Variants in RAPGEF2 observed in about 807,000 individuals in gnomAD.
The protein encoded by RAPGEF2 is PDZ domain containing guanine nucleotide exchange factor (GEF) 1.
In RAPGEF2, 54 loss-of-function variants were observed where a neutral mutation model predicts 186.7. The ratio of observed to expected loss-of-function variants is 0.29; its 90% CI spans 0.23 to 0.36. RAPGEF2 has a LOEUF of 0.36. Ranked by LOEUF, RAPGEF2 falls within the 10% of genes least tolerant of loss-of-function variation. The pLI is 1.00. For missense variants in RAPGEF2, 1,532 were observed against 2,045.0 expected (o/e 0.75, Z 4.84); for synonymous variants, 712 against 705.9 (o/e 1.01, Z -0.14).
At chr4:159,293,266 T>G (rs1479093768) in intron 7 of RAPGEF2, among the ~76,000 whole-genome samples, 1 of 152,230 alleles carries the variant, frequency 6.6e-6, no homozygotes, top group East Asian at 1.9e-4. Flanking sequence ...AGTCACTGTT[T>G]ATCACATCGG....
chr4:159,325,969 G>A (rs1175973985), intron 11 of RAPGEF2, among the ~76,000 whole-genome samples: 2 of 152,150 alleles, frequency 1.3e-5, no homozygotes, highest in Admixed American at 1.3e-4. Flanking sequence ...CTAGTGTGAA[G>A]TTAATTATGA....
intron 11 of RAPGEF2, chr4:159,327,359 A>C (rs1766062433): frequency 6.6e-6 from 1 of 152,234 alleles, no homozygotes; most frequent in African/African-American, 2.4e-5. Context: ...TTAAAACCTC[A>C]GTAAAGCAAT....
At chr4:159,264,351 G>A (rs991606926) in intron 7 of RAPGEF2, among the ~76,000 whole-genome samples, 5 of 152,074 alleles carry the variant, frequency 3.3e-5, no homozygotes, top group Non-Finnish European at 5.9e-5. Context: ...AAGGTTTCCC[G>A]GTTAGGTTAG....
intron 1 of RAPGEF2, among the ~76,000 whole-genome samples, chr4:159,130,086 G>C (rs975302733): frequency 6.6e-6 from 1 of 152,178 alleles, no homozygotes; most frequent in Admixed American, 6.5e-5. Context: ...TTTGTAAACT[G>C]TCATGGCGCT....
intron 1 of RAPGEF2, among the ~76,000 whole-genome samples, chr4:159,181,670 G>A (rs540165684): frequency 1.3e-5 from 2 of 150,148 alleles, no homozygotes; most frequent in Non-Finnish European, 3.0e-5. Flanking sequence ...TGAGTAGCTG[G>A]AACTACAGGC....
intron 25 of RAPGEF2, 78 bp from the exon 26 acceptor site, chr4:159,350,056 CAAA>C: frequency 1.0e-6 from 1 of 975,130 alleles, no homozygotes; most frequent in Non-Finnish European, 1.4e-6. Context: ...AATCTTAACA[CAAA>C]AAAGTTTTTT....
At chr4:159,211,452 C>T (rs951368862) in intron 4 of RAPGEF2, among the ~76,000 whole-genome samples, 3 of 152,230 alleles carry the variant, frequency 2.0e-5, no homozygotes, top group African/African-American at 7.2e-5. Flanking sequence ...TTATTTGAAT[C>T]GACTAAAGTA....
chr4:159,105,464 A>G (rs1334496665), intron 1 of RAPGEF2, among the ~76,000 whole-genome samples: 1 of 152,032 alleles, frequency 6.6e-6, no homozygotes, highest in Non-Finnish European at 1.5e-5. Context: ...ACCGTTTTTG[A>G]TTTTTCATTT....
At chr4:159,179,683 C>G (rs1746814259) in intron 1 of RAPGEF2, among the ~76,000 whole-genome samples, 1 of 152,140 alleles carries the variant, frequency 6.6e-6, no homozygotes, top group Non-Finnish European at 1.5e-5. Flanking sequence ...GTTGAAACTT[C>G]TGTGTGAGAA....
chr4:159,155,338 C>T lies in RAPGEF2; in HGVS notation c.70-31304C>T, dbSNP rs76906672. 2.0e-3 allele frequency among the ~76,000 whole-genome samples: 309 copies of T among 152,268 alleles called. 1 individual carries two copies. Among genetic ancestry groups the T allele is most frequent in the Middle Eastern group, 6.8e-3 (2 of 294 alleles). Reference sequence around the variant, plus strand: ...GACAGCCACCTTTTGCACATTTCCTCGTCCTTGTTTTGACAAGATTTCAGA... The same window carrying T: ...GACAGCCACCTTTTGCACATTTCCTTGTCCTTGTTTTGACAAGATTTCAGA... On this transcript the variant is annotated intron_variant, in intron 1 of 29. Transcript: ENST00000691494.
chr4:159,145,017 A>G (rs1742785343), intron 1 of RAPGEF2, among the ~76,000 whole-genome samples: 1 of 149,894 alleles, frequency 6.7e-6, no homozygotes, highest in African/African-American at 2.5e-5. Flanking sequence ...GCCTCCCAAG[A>G]AGCTGGAACT....
chr4:159,180,492 T>C (rs2111274370), intron 1 of RAPGEF2, among the ~76,000 whole-genome samples: 1 of 152,328 alleles, frequency 6.6e-6, no homozygotes, highest in Admixed American at 6.5e-5. Flanking sequence ...GCATCTATAA[T>C]AGCAGAATAA....
chr4:159,176,706 T>C (rs571156056), intron 1 of RAPGEF2, among the ~76,000 whole-genome samples: 2 of 152,326 alleles, frequency 1.3e-5, no homozygotes, highest in South Asian at 4.1e-4. Flanking sequence ...CAAAGTCAGT[T>C]TCAGTAACTC....
chr4:159,142,265 A>G (rs942188052), intron 1 of RAPGEF2, among the ~76,000 whole-genome samples: 1 of 152,180 alleles, frequency 6.6e-6, no homozygotes, highest in Non-Finnish European at 1.5e-5. Context: ...TAATGGATTT[A>G]TAGCTTTGTC....
chr4:159,222,322 C>T (rs925148796), intron 4 of RAPGEF2, among the ~76,000 whole-genome samples: 21 of 152,162 alleles, frequency 1.4e-4, no homozygotes, highest in Non-Finnish European at 2.6e-4. Context: ...AGTAAGTAGC[C>T]GTAAAGAGAA....
At chr4:159,254,108 G>A (rs896876840) in intron 7 of RAPGEF2, among the ~76,000 whole-genome samples, 1 of 152,136 alleles carries the variant, frequency 6.6e-6, no homozygotes, top group African/African-American at 2.4e-5. Context: ...TATACTAATG[G>A]GTGGAGATAT....
intron 1 of RAPGEF2, among the ~76,000 whole-genome samples, chr4:159,184,361 G>T (rs1436418779): frequency 1.3e-5 from 2 of 152,220 alleles, no homozygotes; most frequent in Non-Finnish European, 2.9e-5. Context: ...CCCACCAACA[G>T]TGTAAAAGTG....
intron 1 of RAPGEF2, among the ~76,000 whole-genome samples, chr4:159,156,445 G>A (rs1461205656): frequency 6.6e-6 from 1 of 151,564 alleles, no homozygotes; most frequent in African/African-American, 2.4e-5. Flanking sequence ...ATTATGATTT[G>A]TATGTAATTT....
Position 159,225,323 on chromosome 4 carries a change from T to C in RAPGEF2, c.282-13486T>C, listed in dbSNP as rs907459192. ...CCATACAATATGTTGTCAATCCTTA[T>C]ATAAAGTGGATGCCAGATTTATAAA... is the stretch of plus-strand genomic sequence containing the variant. On this transcript the variant is annotated intron_variant, in intron 4 of 29. Coordinates refer to ENST00000691494, the MANE Select transcript of RAPGEF2 (RefSeq NM_001394067.2). Among the ~76,000 whole-genome samples the C allele has an allele frequency of 2.0e-5, 3 of 152,214 alleles. 1 individual carries two copies. In the East Asian group the frequency reaches 5.8e-4, roughly 29 times the overall value.
Sources: allele counts gnomAD v4.1 joint callset (sites outside exome capture counted in the v4.1 genomes callset), GRCh38; gene constraint gnomAD v4.1.1; transcripts MANE v1.5; gene names NCBI Gene and HGNC (gene_info 2026-07-23, HGNC 2026-07-21).